The following PLCL1 variants were observed in gnomAD, a reference collection of about 807,000 sequenced individuals.
PLCL1 encodes inactive phospholipase C-like protein 1.
Under a neutral mutation model 84.4 loss-of-function variants are expected in PLCL1, and 41 were observed. That is an observed-to-expected ratio of 0.49 (90% CI 0.38 to 0.63). The LOEUF (loss-of-function observed/expected upper bound fraction) is 0.63. PLCL1 is among the 30% of genes least tolerant of loss of function. PLCL1 has a pLI of 0.00. For synonymous variants in PLCL1, 490 were observed against 488.3 expected (o/e 1.00, Z -0.05); for missense variants, 1,206 against 1,367.8 (o/e 0.88, Z 1.87).
At chr2:197,902,029 A>C (rs1375647512) in intron 1 of PLCL1, among the ~76,000 whole-genome samples, 1 of 152,170 alleles carries the variant, frequency 6.6e-6, no homozygotes, top group Non-Finnish European at 1.5e-5. Flanking sequence ...ATAAACCCTC[A>C]TAAACTCTTA....
At chr2:197,891,246 C>G (rs193022546) in intron 1 of PLCL1, among the ~76,000 whole-genome samples, 1 of 152,132 alleles carries the variant, frequency 6.6e-6, no homozygotes, top group East Asian at 1.9e-4. Context: ...ACATATAGGC[C>G]CATGTTCACA....
Position 197,929,312 on chromosome 2 carries a change from C to T in PLCL1, c.240+123973C>T, listed in dbSNP as rs138340899. Among the ~76,000 whole-genome samples, 529 of 152,262 alleles carry T rather than the reference C, an allele frequency of 3.5e-3. 4 individuals carry two copies. The highest frequency in any genetic ancestry group is 0.012 in the African/African-American group (491 of 41,558). On this transcript the variant is annotated intron_variant, in intron 1 of 5. Coordinates refer to ENST00000428675, the MANE Select transcript of PLCL1 (RefSeq NM_006226.4). ...TGATTTGGGTTTTATACATTTGTATCAGCAGTCTTATAAACACCCTAGAAG... is the reference window on the plus strand; with the variant it reads ...TGATTTGGGTTTTATACATTTGTATTAGCAGTCTTATAAACACCCTAGAAG...
chr2:197,821,264 A>G (rs1690809197), intron 1 of PLCL1, among the ~76,000 whole-genome samples: 1 of 152,112 alleles, frequency 6.6e-6, no homozygotes, highest in Non-Finnish European at 1.5e-5. Context: ...TTCACTATAA[A>G]AATCTTTTTT....
chr2:198,101,429 T>C (rs923970287), intron 4 of PLCL1, 69 bp downstream of exon 4: 11 of 867,608 alleles, frequency 1.3e-5, no homozygotes, highest in Admixed American at 5.2e-5. Flanking sequence ...TAATTCTTGG[T>C]AGATTTTTTT....
intron 5 of PLCL1, among the ~76,000 whole-genome samples, chr2:198,117,467 C>T (rs1193527662): frequency 6.6e-6 from 1 of 151,506 alleles, no homozygotes; most frequent in Non-Finnish European, 1.5e-5. Context: ...GTTTATTCCT[C>T]CAAACTGCTT....
At chr2:197,927,904 C>T (rs1302213290) in intron 1 of PLCL1, among the ~76,000 whole-genome samples, 1 of 152,110 alleles carries the variant, frequency 6.6e-6, no homozygotes, top group Non-Finnish European at 1.5e-5. Flanking sequence ...TGAAAATTGA[C>T]AAGCAAATAT....
At chr2:198,125,271 G>A (rs1693958063) in intron 5 of PLCL1, among the ~76,000 whole-genome samples, 1 of 152,038 alleles carries the variant, frequency 6.6e-6, no homozygotes, top group Non-Finnish European at 1.5e-5. Context: ...ACCAAGGACA[G>A]ATTTCCTTTC....
chr2:198,084,937 G>A lies in PLCL1; in HGVS notation c.1420G>A (p.Val474Ile), dbSNP rs1189761479. 6.2e-7 allele frequency: 1 copy of A among 1,613,984 alleles called. No individual in the cohort carries two copies. Among genetic ancestry groups the A allele is most frequent in the Non-Finnish European group, 8.5e-7 (1 of 1,179,956 alleles). The change falls in exon 2 of 6, where the codon GTA (valine) becomes ATA (isoleucine). Residue 474 changes from valine to isoleucine, a missense_variant. Coordinates refer to ENST00000428675, the MANE Select transcript of PLCL1 (RefSeq NM_006226.4). ...TGTTTCCTTTCGAAGTGTCATAGAG[G>A]TAATAAATAAATTTGCCTTTGTTGC... ...THVSFRSVIE[V>I]INKFAFVASE...
chr2:197,932,133 T>C (rs1688948821), intron 1 of PLCL1, among the ~76,000 whole-genome samples: 1 of 152,148 alleles, frequency 6.6e-6, no homozygotes, highest in Admixed American at 6.6e-5. Flanking sequence ...GCTACTCATA[T>C]TGATTGCACG....
chr2:197,841,806 C>G (rs192163244), intron 1 of PLCL1, among the ~76,000 whole-genome samples: 146 of 152,274 alleles, frequency 9.6e-4, no homozygotes, highest in African/African-American at 3.4e-3. Context: ...TTCTGATGTT[C>G]TGTAAATACT....
chr2:198,010,419 A>G (rs1007985455), intron 1 of PLCL1, among the ~76,000 whole-genome samples: 2 of 151,940 alleles, frequency 1.3e-5, no homozygotes, highest in South Asian at 2.1e-4. Context: ...ATTGATTGAG[A>G]TGATCATTTG....
At chr2:197,930,544 A>G (rs1371884719) in intron 1 of PLCL1, among the ~76,000 whole-genome samples, 1 of 152,116 alleles carries the variant, frequency 6.6e-6, no homozygotes, top group Non-Finnish European at 1.5e-5. Flanking sequence ...TATTGTGTAA[A>G]GAGGCCTCGT....
At chr2:198,122,820 T>G (rs1464857490) in intron 5 of PLCL1, among the ~76,000 whole-genome samples, 1 of 152,160 alleles carries the variant, frequency 6.6e-6, no homozygotes, top group Non-Finnish European at 1.5e-5. Flanking sequence ...AAAATATGTA[T>G]TCTCTCTAGA....
intron 5 of PLCL1, among the ~76,000 whole-genome samples, chr2:198,114,823 C>T (rs932323314): frequency 2.9e-5 from 4 of 139,942 alleles, no homozygotes; most frequent in Non-Finnish European, 4.8e-5. Flanking sequence ...ATATATATAT[C>T]TATATATACA....
chr2:197,854,375 G>A (rs1687294173), intron 1 of PLCL1, among the ~76,000 whole-genome samples: 1 of 152,106 alleles, frequency 6.6e-6, no homozygotes, highest in East Asian at 1.9e-4. Context: ...CTCTGCCTCA[G>A]CCTCATCTCT....
intron 5 of PLCL1, among the ~76,000 whole-genome samples, chr2:198,126,210 G>A (rs963130392): frequency 8.5e-5 from 13 of 152,090 alleles, no homozygotes; most frequent in African/African-American, 3.1e-4. Flanking sequence ...TATCCCATGT[G>A]TGTGCTTGCC....
chr2:197,819,456 G>A (rs1385945757), intron 1 of PLCL1, among the ~76,000 whole-genome samples: 1 of 152,098 alleles, frequency 6.6e-6, no homozygotes, highest in African/African-American at 2.4e-5. Context: ...CTGGAGTATA[G>A]AGAAACAGAG....
chr2:198,086,093 G>A lies in PLCL1; in HGVS notation c.2576G>A (p.Arg859His), dbSNP rs1559099836. Residue 859 changes from arginine (R) to histidine (H), a missense_variant, in exon 2 of 6, where the codon CGC (arginine) becomes CAC (histidine). By Grantham distance (29) the Arg-to-His change is conservative. Coordinates refer to ENST00000428675, the MANE Select transcript of PLCL1 (RefSeq NM_006226.4). ...NRSGGGKAQKRSLSVRMGKKV... is the reference protein window; with the variant it reads ...NRSGGGKAQKHSLSVRMGKKV... ...AGTGGAGGAGGAAAGGCACAGAAGCGCAGTCTTTCAGTGAGAATGGGGAAG... is the reference window on the plus strand; with the variant it reads ...AGTGGAGGAGGAAAGGCACAGAAGCACAGTCTTTCAGTGAGAATGGGGAAG... The A allele has an allele frequency of 2.5e-6, 4 of 1,613,994 alleles. No homozygotes were observed. The highest frequency in any genetic ancestry group is 3.4e-6 in the Non-Finnish European group (4 of 1,179,930).
At chr2:197,857,830 T>C (rs1450037195) in intron 1 of PLCL1, among the ~76,000 whole-genome samples, 1 of 152,034 alleles carries the variant, frequency 6.6e-6, no homozygotes, top group Non-Finnish European at 1.5e-5. Context: ...GCAAGCAAGA[T>C]GGCAGCACTC....
Sources: gnomAD v4.1 joint callset for allele counts (sites outside exome capture counted in the v4.1 genomes callset) on GRCh38, gnomAD v4.1.1 for gene constraint, MANE v1.5 for transcripts, NCBI Gene and HGNC (gene_info 2026-07-23, HGNC 2026-07-21) for gene names.